The following CEP128 variants were observed in gnomAD, a reference collection of about 807,000 sequenced individuals.
The protein encoded by CEP128 is centrosomal protein 128kDa.
In CEP128, 132 loss-of-function variants were observed where a neutral mutation model predicts 156.7. The ratio of observed to expected loss-of-function variants is 0.84; its 90% CI spans 0.73 to 0.97. CEP128 has a LOEUF of 0.97. CEP128 is among the 50% of genes least tolerant of loss of function. The pLI is 0.00. For synonymous variants in CEP128, 469 were observed against 448.9 expected (o/e 1.04, Z -0.57); for missense variants, 1,252 against 1,281.9 (o/e 0.98, Z 0.36).
At chr14:80,851,450 T>G (rs979851019) in intron 9 of CEP128, among the ~76,000 whole-genome samples, 10 of 152,094 alleles carry the variant, frequency 6.6e-5, no homozygotes, top group African/African-American at 2.4e-4. Context: ...AATGTTCCAG[T>G]AAGACACTGA....
At chr14:80,606,600 A>G (rs61981704) in intron 19 of CEP128, among the ~76,000 whole-genome samples, 18,357 of 152,194 alleles carry the variant, frequency 0.12, 1,397 homozygotes, top group East Asian at 0.32. Flanking sequence ...GAGAAAGGAA[A>G]GGAAAATGCT....
chr14:80,627,908 T>C (rs1057026112), intron 19 of CEP128, among the ~76,000 whole-genome samples: 1 of 152,174 alleles, frequency 6.6e-6, no homozygotes, highest in Non-Finnish European at 1.5e-5. Context: ...AGAGATTGTA[T>C]TCTAATTCCC....
chr14:80,498,637 T>C (rs1177295544), intron 24 of CEP128, among the ~76,000 whole-genome samples: 2 of 152,232 alleles, frequency 1.3e-5, no homozygotes, highest in Non-Finnish European at 2.9e-5. Context: ...TGTAACCTCC[T>C]CAGGGAGGCA....
At chr14:80,895,869 A>C in intron 7 of CEP128, 79 bp from the exon 8 acceptor site, 1 of 970,054 alleles carries the variant, frequency 1.0e-6, no homozygotes, top group Non-Finnish European at 1.5e-6. Flanking sequence ...ATAACATGAT[A>C]ATTATGTTAT....
intron 18 of CEP128, among the ~76,000 whole-genome samples, chr14:80,753,864 A>C (rs1277218078): frequency 2.0e-5 from 3 of 152,334 alleles, no homozygotes; most frequent in African/African-American, 7.2e-5. Context: ...ACCCTAGAAT[A>C]TAACATCTCT....
intron 20 of CEP128, among the ~76,000 whole-genome samples, chr14:80,565,220 A>C (rs1420479727): frequency 6.6e-6 from 1 of 152,198 alleles, no homozygotes; most frequent in East Asian, 1.9e-4. Flanking sequence ...TGGATGGATC[A>C]GCTGACACTA....
At chr14:80,622,948 C>G (rs1893549872) in intron 19 of CEP128, among the ~76,000 whole-genome samples, 1 of 151,948 alleles carries the variant, frequency 6.6e-6, no homozygotes. Context: ...ACCCAGCCAT[C>G]CCATTGCTGG....
At chr14:80,874,428 C>A (rs1199730159) in intron 8 of CEP128, among the ~76,000 whole-genome samples, 21 of 151,664 alleles carry the variant, frequency 1.4e-4, no homozygotes, top group Non-Finnish European at 1.9e-4. Context: ...CACACCACTG[C>A]ACCCCAGCCT....
rs1896508326 is a variant in CEP128 at position 80,685,951 on chromosome 14, A to G, written c.2806+57124T>C. Among the ~76,000 whole-genome samples the G allele has an allele frequency of 2.6e-5, 4 of 152,216 alleles. No homozygotes were observed. The South Asian group carries it at 8.3e-4, about 32-fold the overall frequency. ...ACTCCTACGTAACATTATATACAAA[A>G]ATTACCTCAAGATGTATTGAATATT... On this transcript the variant is annotated intron_variant, in intron 19 of 24. Coordinates refer to ENST00000555265, the MANE Select transcript of CEP128 (RefSeq NM_152446.5).
intron 13 of CEP128, among the ~76,000 whole-genome samples, chr14:80,817,992 G>C (rs1031728161): frequency 6.6e-6 from 1 of 152,124 alleles, no homozygotes; most frequent in African/African-American, 2.4e-5. Context: ...TGAAGAGAGA[G>C]ATAAAAGAAT....
chr14:80,693,615 T>G (rs1415214176), intron 19 of CEP128, among the ~76,000 whole-genome samples: 1 of 152,138 alleles, frequency 6.6e-6, no homozygotes, highest in Non-Finnish European at 1.5e-5. Flanking sequence ...CCATACTTCT[T>G]TATTTTAAAA....
At chr14:80,708,162 A>G (rs992358) in intron 19 of CEP128, among the ~76,000 whole-genome samples, 6,034 of 152,140 alleles carry the variant, frequency 0.04, 389 homozygotes, top group East Asian at 0.23. Flanking sequence ...GCTATTAAAG[A>G]TAGTGCCGCA....
At chr14:80,505,328 T>C (rs1239205087) in intron 23 of CEP128, among the ~76,000 whole-genome samples, 1 of 152,212 alleles carries the variant, frequency 6.6e-6, no homozygotes, top group Non-Finnish European at 1.5e-5. Context: ...AAGTCATTAT[T>C]TATCCTAACC....
chr14:80,857,838 A>G (rs1048102029), intron 9 of CEP128, among the ~76,000 whole-genome samples: 2 of 152,160 alleles, frequency 1.3e-5, no homozygotes, highest in Non-Finnish European at 2.9e-5. Flanking sequence ...TATTAAAAGA[A>G]TATAGTCATA....
chr14:80,691,546 A>G (rs1418130177), intron 19 of CEP128, among the ~76,000 whole-genome samples: 1 of 152,216 alleles, frequency 6.6e-6, no homozygotes, highest in Non-Finnish European at 1.5e-5. Context: ...AAGAAAGAAA[A>G]GAAAACTGGC....
Position 80,656,282 on chromosome 14 carries a change from TATATATATTTATA to T in CEP128, c.2807-75872_2807-75860del, listed in dbSNP as rs1566837792. On this transcript the variant is annotated intron_variant, in intron 19 of 24. Coordinates refer to ENST00000555265, the MANE Select transcript of CEP128 (RefSeq NM_152446.5). ...CTCAATAAACCTAAGTTTTTATTTA[TATATATATTTATA>T]TATATATATATATATATATATATAT... Among the ~76,000 whole-genome samples the T allele has an allele frequency of 3.8e-3, 28 of 7,340 alleles. 2 individuals carry two copies. Among genetic ancestry groups the T allele is most frequent in the African/African-American group, 0.019 (27 of 1,414 alleles). 4.8% of individuals were successfully genotyped at this position (7,340 alleles called of 152,430 possible). A position where few individuals can be genotyped will look rare whatever the true frequency, so the allele number is the denominator to read the frequency against.
chr14:80,866,009 G>T (rs1887751235), intron 8 of CEP128, among the ~76,000 whole-genome samples: 7 of 152,020 alleles, frequency 4.6e-5, no homozygotes, highest in Admixed American at 4.6e-4. Context: ...GCAAGTTAGG[G>T]GAAATATGTT....
chr14:80,903,900 A>G (rs1279840531), intron 6 of CEP128, among the ~76,000 whole-genome samples: 4 of 152,138 alleles, frequency 2.6e-5, no homozygotes, highest in Non-Finnish European at 5.9e-5. Context: ...GGGAACGTAA[A>G]CTAGTACAGC....
At chr14:80,904,983 C>A (rs1883802032) in intron 5 of CEP128, 52 bp from the exon 6 acceptor site, 1 of 1,058,250 alleles carries the variant, frequency 9.4e-7, no homozygotes. Flanking sequence ...TGAGAAGAGA[C>A]AATCTAAAAT....
Sources: gnomAD v4.1 joint callset for allele counts (sites outside exome capture counted in the v4.1 genomes callset) on GRCh38, gnomAD v4.1.1 for gene constraint, MANE v1.5 for transcripts, NCBI Gene and HGNC (gene_info 2026-07-23, HGNC 2026-07-21) for gene names.